FARP1: variants seen among roughly 807,000 people sequenced by gnomAD.
FARP1 encodes FERM, ARH/RhoGEF and pleckstrin domain protein 1, also known as FERM, ARHGEF and pleckstrin domain-containing protein 1.
FARP1 carries 52 observed loss-of-function variants against 128.8 expected under a neutral mutation model. The observed-to-expected ratio is 0.40, with a 90% CI of 0.32 to 0.51. The LOEUF (loss-of-function observed/expected upper bound fraction) is 0.51, where lower values mean the gene tolerates loss of function less well. Among genes scored for constraint, FARP1 ranks in the 20% least tolerant of loss-of-function variants. FARP1 has a pLI of 0.45. For synonymous variants in FARP1, 580 were observed against 551.8 expected (o/e 1.05, Z -0.72); for missense variants, 1,333 against 1,367.9 (o/e 0.97, Z 0.40).
At chr13:98,350,377 A>C (rs1242103721) in intron 3 of FARP1, among the ~76,000 whole-genome samples, 2 of 152,166 alleles carry the variant, frequency 1.3e-5, no homozygotes, top group African/African-American at 4.8e-5. Flanking sequence ...AGAAGTACAG[A>C]GGTTCCTATA....
intron 2 of FARP1, among the ~76,000 whole-genome samples, chr13:98,303,163 A>G (rs1885992747): frequency 6.6e-6 from 1 of 152,210 alleles, no homozygotes; most frequent in South Asian, 2.1e-4. Context: ...GAAGCCATTT[A>G]TGTGAAATGT....
chr13:98,190,521 C>G (rs1879149728), intron 1 of FARP1, among the ~76,000 whole-genome samples: 1 of 152,072 alleles, frequency 6.6e-6, no homozygotes, highest in Non-Finnish European at 1.5e-5. Flanking sequence ...TCCTTCCCAG[C>G]TGGGAAATGG....
rs368595916 is a variant in FARP1 at position 98,311,598 on chromosome 13, C to T, written c.172-32164C>T. Among the ~76,000 whole-genome samples the T allele has an allele frequency of 4.7e-3, 716 of 152,066 alleles. 7 individuals are homozygous for T. The highest frequency in any genetic ancestry group is 0.014 in the African/African-American group (595 of 41,510). ...GTGTGTGTGTGCACACACGTGCACA[C>T]GTTGGGAAAGTGGTGGCTTTTCAAT... On this transcript the variant is annotated intron_variant, in intron 2 of 26. Transcript: ENST00000319562.
At chr13:98,275,259 C>G (rs1202478567) in intron 2 of FARP1, among the ~76,000 whole-genome samples, 1 of 151,768 alleles carries the variant, frequency 6.6e-6, no homozygotes, top group Non-Finnish European at 1.5e-5. Flanking sequence ...ATTTGACACA[C>G]TGAGCTATTT....
chr13:98,378,909 A>ATAAAAT (rs59298355), intron 6 of FARP1, among the ~76,000 whole-genome samples: 3 of 82,472 alleles, frequency 3.6e-5, no homozygotes, highest in South Asian at 4.5e-4. Context: ...ATATATATAT[A>ATAAAAT]ATATATATAT....
intron 17 of FARP1, 81 bp from the exon 18 acceptor site, chr13:98,430,962 A>G: frequency 1.2e-6 from 1 of 853,588 alleles, no homozygotes; most frequent in South Asian, 1.6e-5. Flanking sequence ...GGAGCGCTTC[A>G]TTTCCCCAAG....
chr13:98,388,230 T>C (rs1016139842), intron 8 of FARP1, among the ~76,000 whole-genome samples, 153 bp from the exon 9 acceptor site: 2 of 152,224 alleles, frequency 1.3e-5, no homozygotes, highest in Non-Finnish European at 2.9e-5. Flanking sequence ...TATCATCCGA[T>C]AGCCACAGAT....
At chr13:98,186,110 CT>C (rs895867928) in intron 1 of FARP1, among the ~76,000 whole-genome samples, 3 of 150,854 alleles carry the variant, frequency 2.0e-5, no homozygotes, top group African/African-American at 7.3e-5. Flanking sequence ...TTTTTCTTTT[CT>C]TTTTTTTTGA....
chr13:98,407,298 CTCTCT>C (rs763636700), intron 13 of FARP1: 39 of 152,386 alleles, frequency 2.6e-4, no homozygotes, highest in Admixed American at 1.4e-3. Context: ...GCCAGAATTT[CTCTCT>C]TCTAATTCCT....
At chr13:98,418,256 GTTTGTTTTGT>G (rs141985701) in intron 16 of FARP1, among the ~76,000 whole-genome samples, 40 of 150,800 alleles carry the variant, frequency 2.7e-4, no homozygotes, top group African/African-American at 7.3e-5. Flanking sequence ...ATGTTTATTT[GTTTGTTTTGT>G]TTTGTTTTGT....
chr13:98,143,632 C>T (rs1255101311), intron 1 of FARP1, 140 bp downstream of exon 1: 2 of 150,966 alleles, frequency 1.3e-5, no homozygotes, highest in Admixed American at 1.3e-4. Flanking sequence ...GCGTGGTCCC[C>T]GAGGTCCTGC....
chr13:98,226,152 G>A (rs1881751075), intron 2 of FARP1, among the ~76,000 whole-genome samples: 1 of 152,228 alleles, frequency 6.6e-6, no homozygotes, highest in South Asian at 2.1e-4. Flanking sequence ...CTGGAGACCA[G>A]CTGTCTGAGA....
chr13:98,240,669 C>T (rs1168124548), intron 2 of FARP1, among the ~76,000 whole-genome samples: 3 of 152,222 alleles, frequency 2.0e-5, no homozygotes, highest in East Asian at 1.9e-4. Flanking sequence ...GGTCCGCCTG[C>T]GGACGTCATC....
chr13:98,363,114 C>T (rs1036006089), intron 3 of FARP1, among the ~76,000 whole-genome samples: 1 of 152,218 alleles, frequency 6.6e-6, no homozygotes, highest in African/African-American at 2.4e-5. Flanking sequence ...ATGTCCTCCC[C>T]ATGGGGTAGT....
At chr13:98,338,066 T>C (rs1012949239) in intron 2 of FARP1, among the ~76,000 whole-genome samples, 3 of 152,220 alleles carry the variant, frequency 2.0e-5, no homozygotes, top group African/African-American at 4.8e-5. Flanking sequence ...TTCAGTTGTT[T>C]ATAGATGTGA....
At chr13:98,446,498 C>T (rs1892844506) in intron 25 of FARP1, 168 bp from the exon 26 acceptor site, 11 of 679,014 alleles carry the variant, frequency 1.6e-5, no homozygotes, top group South Asian at 9.3e-5. Flanking sequence ...ACTTGCCACC[C>T]GGGCCATCAC....
intron 2 of FARP1, among the ~76,000 whole-genome samples, chr13:98,225,974 G>T (rs543279924): frequency 6.6e-6 from 1 of 150,614 alleles, no homozygotes; most frequent in African/African-American, 2.5e-5. Context: ...CACCGTCTCT[G>T]CCATAGCATT....
At chr13:98,205,966 CTA>C (rs1382402323) in intron 1 of FARP1, among the ~76,000 whole-genome samples, 2 of 152,154 alleles carry the variant, frequency 1.3e-5, no homozygotes, top group Non-Finnish European at 1.5e-5. Flanking sequence ...TAATTTATAA[CTA>C]TGTTTGGACA....
intron 24 of FARP1, among the ~76,000 whole-genome samples, chr13:98,442,947 G>A (rs562912262): frequency 2.0e-5 from 3 of 152,330 alleles, no homozygotes; most frequent in East Asian, 3.9e-4. Context: ...GCCATTCAAC[G>A]AGGCAGCAAA....
Sources: allele counts gnomAD v4.1 joint callset (sites outside exome capture counted in the v4.1 genomes callset), GRCh38; gene constraint gnomAD v4.1.1; transcripts MANE v1.5; gene names NCBI Gene and HGNC (gene_info 2026-07-23, HGNC 2026-07-21).